IDNK: variants seen among roughly 807,000 people sequenced by gnomAD.
The protein encoded by IDNK is gluconokinase.
IDNK carries 9 observed loss-of-function variants against 13.0 expected under a neutral mutation model. The observed-to-expected ratio is 0.69, with a 90% CI of 0.42 to 1.21. IDNK has a LOEUF of 1.21. Among genes scored for constraint, IDNK ranks in the 50% most tolerant of loss-of-function variants. IDNK has a pLI of 0.00. For synonymous variants in IDNK, 92 were observed against 94.9 expected (o/e 0.97, Z 0.18); for missense variants, 210 against 237.8 (o/e 0.88, Z 0.77).
At chr9:83,631,984 G>GA (rs1345497905) in intron 3 of IDNK, among the ~76,000 whole-genome samples, 1 of 151,324 alleles carries the variant, frequency 6.6e-6, no homozygotes, top group East Asian at 1.9e-4. Flanking sequence ...AAAAAATCCT[G>GA]AAAAAAATCT....
intron 3 of IDNK, among the ~76,000 whole-genome samples, chr9:83,633,106 G>A (rs891142935): frequency 3.3e-5 from 5 of 151,942 alleles, no homozygotes; most frequent in Non-Finnish European, 5.9e-5. Flanking sequence ...TTGGGAGGCC[G>A]AGGCGGGCAG....
chr9:83,631,032 C>T (rs1424409026), intron 3 of IDNK, among the ~76,000 whole-genome samples: 1 of 152,174 alleles, frequency 6.6e-6, no homozygotes, highest in African/African-American at 2.4e-5. Flanking sequence ...GATTTTCATT[C>T]TTGATAAGAA....
intron 1 of IDNK, among the ~76,000 whole-genome samples, chr9:83,627,722 A>G (rs1830894189): frequency 6.6e-6 from 1 of 152,126 alleles, no homozygotes; most frequent in South Asian, 2.1e-4. Flanking sequence ...TTAAACTCCA[A>G]AAATGTTTTT....
rs1280305626 is a variant in IDNK at position 83,628,324 on chromosome 9, C to T, written c.81+113C>T. Reference sequence around the variant, plus strand: ...GACACTTCCACATGGCTTTGAACCCCACTGGAGCAATTTTGTTTTTCTCCT... The same window carrying T: ...GACACTTCCACATGGCTTTGAACCCTACTGGAGCAATTTTGTTTTTCTCCT... On this transcript the variant is annotated intron_variant, in intron 2 of 4. Transcript: ENST00000376419. The T allele has an allele frequency of 4.3e-6, 4 of 936,040 alleles. No homozygotes were observed. In the African/African-American group the frequency reaches 4.9e-5, roughly 12 times the overall value. 58.0% of individuals were successfully genotyped at this position (936,040 alleles called of 1,614,324 possible).
intron 3 of IDNK, among the ~76,000 whole-genome samples, chr9:83,639,726 T>G (rs1831253201): frequency 6.6e-6 from 1 of 152,222 alleles, no homozygotes; most frequent in Non-Finnish European, 1.5e-5. Context: ...TAGGGACACC[T>G]GCTTTTTCCC....
At chr9:83,626,002 A>G (rs1830838692) in intron 1 of IDNK, among the ~76,000 whole-genome samples, 8 of 152,166 alleles carry the variant, frequency 5.3e-5, no homozygotes, top group Admixed American at 5.2e-4. Context: ...TAATGAAGCC[A>G]CCCTTAACAT....
At chr9:83,635,105 AG>A (rs542338899) in intron 3 of IDNK, among the ~76,000 whole-genome samples, 26 of 152,284 alleles carry the variant, frequency 1.7e-4, no homozygotes, top group African/African-American at 5.8e-4. Flanking sequence ...ACCTTGGAAA[AG>A]GCTGGTTGAC....
At chr9:83,636,488 T>C (rs942244818) in intron 3 of IDNK, among the ~76,000 whole-genome samples, 2 of 152,332 alleles carry the variant, frequency 1.3e-5, no homozygotes, top group Non-Finnish European at 2.9e-5. Context: ...TGCATAAATG[T>C]AGACTGCCCA....
intron 2 of IDNK, 118 bp from the exon 3 acceptor site, chr9:83,628,755 G>A: frequency 1.4e-6 from 1 of 721,336 alleles, no homozygotes; most frequent in Non-Finnish European, 2.5e-6. Context: ...TTGTCCTTGG[G>A]GTTGATGGGA....
chr9:83,631,451 G>GAAAAAAAT (rs1831011453), intron 3 of IDNK, among the ~76,000 whole-genome samples: 1 of 56,946 alleles, frequency 1.8e-5, no homozygotes, highest in East Asian at 6.0e-4. Context: ...TACAAAAACT[G>GAAAAAAAT]AAAAAAAAAA....
At chr9:83,624,711 T>TG (rs1830799989) in intron 1 of IDNK, among the ~76,000 whole-genome samples, 1 of 151,380 alleles carries the variant, frequency 6.6e-6, no homozygotes, top group African/African-American at 2.4e-5. Flanking sequence ...CTTTTGTTTT[T>TG]TTTTTGTTTT....
intron 3 of IDNK, among the ~76,000 whole-genome samples, chr9:83,634,318 C>T (rs1831107769): frequency 6.6e-6 from 1 of 152,118 alleles, no homozygotes; most frequent in African/African-American, 2.4e-5. Context: ...CTAAAAGCAC[C>T]TATTTTTGTT....
At chr9:83,634,134 G>A (rs1477804088) in intron 3 of IDNK, among the ~76,000 whole-genome samples, 1 of 152,166 alleles carries the variant, frequency 6.6e-6, no homozygotes, top group Non-Finnish European at 1.5e-5. Flanking sequence ...AATCTCCAAA[G>A]AAAATTCATA....
chr9:83,625,572 G>A (rs922579534), intron 1 of IDNK, among the ~76,000 whole-genome samples: 4 of 152,204 alleles, frequency 2.6e-5, no homozygotes. Context: ...GACTAGCTGA[G>A]TAATAAAAAG....
intron 3 of IDNK, among the ~76,000 whole-genome samples, chr9:83,636,118 G>A (rs771711153): frequency 4.9e-4 from 75 of 152,124 alleles, no homozygotes; most frequent in Admixed American, 1.2e-3. Context: ...GAAAAGCTTG[G>A]CTAATTACAA....
At chr9:83,641,654 G>C (rs1831312990) in intron 4 of IDNK, 63 bp downstream of exon 4, 1 of 1,536,946 alleles carries the variant, frequency 6.5e-7, no homozygotes, top group African/African-American at 1.4e-5. Flanking sequence ...CCTCAGAAAA[G>C]ACAGGGAAAA....
chr9:83,642,560 C>CAAAA (rs59605419), intron 4 of IDNK, among the ~76,000 whole-genome samples: 8 of 131,980 alleles, frequency 6.1e-5, no homozygotes, highest in Non-Finnish European at 1.7e-5. Context: ...GTATTGGCTG[C>CAAAA]AAAAAAAAAA....
chr9:83,633,722 A>C (rs1215067522), intron 3 of IDNK, among the ~76,000 whole-genome samples: 1 of 152,236 alleles, frequency 6.6e-6, no homozygotes, highest in Non-Finnish European at 1.5e-5. Flanking sequence ...CCCACTTTAC[A>C]AATGAACAAA....
intron 3 of IDNK, among the ~76,000 whole-genome samples, chr9:83,637,257 T>C (rs1470540611): frequency 1.3e-5 from 2 of 152,260 alleles, no homozygotes; most frequent in African/African-American, 2.4e-5. Flanking sequence ...AAGAGTTCTA[T>C]GATTAGTAAA....
Sources: gnomAD v4.1 joint callset for allele counts (sites outside exome capture counted in the v4.1 genomes callset) on GRCh38, gnomAD v4.1.1 for gene constraint, MANE v1.5 for transcripts, NCBI Gene and HGNC (gene_info 2026-07-23, HGNC 2026-07-21) for gene names.